ARMCX4: variants seen among roughly 807,000 people sequenced by gnomAD.
ARMCX4 encodes armadillo repeat-containing X-linked protein 4.
Under a neutral mutation model 34.7 loss-of-function variants are expected in ARMCX4, and 3 were observed. The ratio of observed to expected loss-of-function variants is 0.09; its 90% CI spans 0.04 to 0.22. The LOEUF is 0.22. Among genes scored for constraint, ARMCX4 ranks in the 10% least tolerant of loss-of-function variants. ARMCX4 has a pLI of 1.00. For missense variants in ARMCX4, 1,448 were observed against 1,720.8 expected (o/e 0.84, Z 2.81); for synonymous variants, 513 against 632.8 (o/e 0.81, Z 2.84).
chrX:101,493,441 G>C lies in ARMCX4; in HGVS notation c.4852G>C (p.Val1618Leu), dbSNP rs1956320061. ...IGSWGVAGGQ[V>L]LGGARPGPAD... ...TTCCTGGGGTGTGGCTGGTGGCCAG[G>C]TCCTTGGGGGAGCTAGGCCGGGGCC... is the stretch of plus-strand genomic sequence containing the variant. The change falls in exon 6 of 6, where the codon GTC becomes CTC. Residue 1618 changes from valine to leucine, a missense_variant. Coordinates refer to ENST00000423738, the MANE Select transcript of ARMCX4 (RefSeq NM_001256155.3). The C allele has an allele frequency of 1.7e-6, 2 of 1,155,264 alleles. No homozygotes were observed. Among genetic ancestry groups the C allele is most frequent in the Non-Finnish European group, 2.3e-6 (2 of 872,687 alleles).
intron 11 of ARMCX4, chrX:101,524,577 T>G (rs1274874529): frequency 2.7e-5 from 3 of 111,695 alleles, no homozygotes; most frequent in Non-Finnish European, 5.7e-5. Context: ...CAATGACAGA[T>G]GGTACCTGGA....
chrX:101,498,439 G>C (rs1351774347), downstream of ARMCX4: 1 of 168,315 alleles, frequency 5.9e-6, no homozygotes, highest in Non-Finnish European at 1.1e-5. Context: ...ACATTAACTG[G>C]TGCCATGTAT....
chrX:101,500,131 T>G (rs1934263534), downstream of ARMCX4, among the ~76,000 whole-genome samples: 1 of 111,447 alleles, frequency 9.0e-6, no homozygotes, highest in African/African-American at 3.3e-5. Context: ...CCCAGAGACC[T>G]AAAGTGTCTT....
intron 8 of ARMCX4, among the ~76,000 whole-genome samples, chrX:101,507,518 T>C (rs782369648): frequency 2.7e-5 from 3 of 111,630 alleles, no homozygotes; most frequent in African/African-American, 6.5e-5. Flanking sequence ...TCAGGCCTAA[T>C]GTACAGCTAT....
At chrX:101,457,118 A>C (rs1207943090) in intron 4 of ARMCX4, among the ~76,000 whole-genome samples, 1 of 111,135 alleles carries the variant, frequency 9.0e-6, no homozygotes. Context: ...AAAACAGGTT[A>C]ATTTAGCCTG....
intron 2 of ARMCX4, among the ~76,000 whole-genome samples, chrX:101,438,633 G>T (rs1369294100): frequency 1.1e-4 from 12 of 111,389 alleles, no homozygotes; most frequent in Non-Finnish European, 1.9e-4. Flanking sequence ...CTGAGGACTT[G>T]CTTTATGAAT....
At chrX:101,515,536 T>G (rs1484911283) in intron 11 of ARMCX4, among the ~76,000 whole-genome samples, 2 of 12,736 alleles carry the variant, frequency 1.6e-4, no homozygotes, top group African/African-American at 7.3e-4. Flanking sequence ...TCTCTCTTTA[T>G]CTCTTTCTCT....
In ARMCX4 at chrX:101,490,538, G is replaced by A; in HGVS notation, c.1949G>A (p.Gly650Asp). 1 of 1,156,163 alleles carries A rather than the reference G, an allele frequency of 8.6e-7. No homozygotes were observed. Among genetic ancestry groups the A allele is most frequent in the East Asian group, 3.3e-5 (1 of 30,763 alleles). Residue 650 changes from glycine to aspartate, a missense_variant, in exon 6 of 6, where the codon GGT becomes GAT. This residue lies in a region of ARMCX4 where 1,343 missense variants were observed against 1,540.7 expected (regional missense o/e 0.87). Coordinates refer to ENST00000423738, the MANE Select transcript of ARMCX4 (RefSeq NM_001256155.3). ...CTTGGCACCAAGAATAAAGTTAAGG[G>A]TAATCCCAATGTTGTGCTTAAGGCA... is the stretch of plus-strand genomic sequence containing the variant. ...ALLGTKNKVKGNPNVVLKAEV... is the reference protein window; with the variant it reads ...ALLGTKNKVKDNPNVVLKAEV...
At chrX:101,435,670 G>A (rs868932644) in intron 2 of ARMCX4, among the ~76,000 whole-genome samples, 1 of 107,585 alleles carries the variant, frequency 9.3e-6, no homozygotes, top group Non-Finnish European at 1.9e-5. Flanking sequence ...TGTCAATTTT[G>A]GCTTTTGTTG....
chrX:101,491,386 A>G lies in ARMCX4; in HGVS notation c.2797A>G (p.Asn933Asp), dbSNP rs1556009074. ...GARNKVKGNS[N>D]AISKAEAGAG... ...CAGGAATAAGGTCAAGGGCAATTCCAATGCTATTTCTAAGGCAGAGGCTGG... is the reference window on the plus strand; with the variant it reads ...CAGGAATAAGGTCAAGGGCAATTCCGATGCTATTTCTAAGGCAGAGGCTGG... Residue 933 changes from asparagine to aspartate, a missense_variant, in exon 6 of 6, where the codon AAT becomes GAT. Physicochemically the swap from Asn to Asp is conservative, Grantham distance 23. This residue lies in a region of ARMCX4 where 1,343 missense variants were observed against 1,540.7 expected (regional missense o/e 0.87). Transcript: ENST00000423738. 12 of 1,156,353 alleles carry G rather than the reference A, an allele frequency of 1.0e-5. No homozygotes were observed. Among genetic ancestry groups the G allele is most frequent in the Non-Finnish European group, 1.4e-5 (12 of 873,061 alleles).
intron 2 of ARMCX4, among the ~76,000 whole-genome samples, chrX:101,421,203 C>CAAAA (rs545262345): frequency 1.5e-4 from 6 of 39,043 alleles, no homozygotes; most frequent in African/African-American, 2.6e-4. Flanking sequence ...AACTCTGTCT[C>CAAAA]AAAAAAAAAA....
At chrX:101,465,997 T>G (rs942868959) in intron 4 of ARMCX4, among the ~76,000 whole-genome samples, 5 of 111,996 alleles carry the variant, frequency 4.5e-5, no homozygotes, top group Admixed American at 1.9e-4. Flanking sequence ...AAACGGTGAA[T>G]AAATAAACTG....
intron 2 of ARMCX4, among the ~76,000 whole-genome samples, chrX:101,421,593 C>T (rs1330472112): frequency 1.8e-5 from 2 of 111,250 alleles, no homozygotes; most frequent in African/African-American, 6.5e-5. Context: ...AAGGTGTGGG[C>T]AGGTTTGGTG....
Position 101,490,876 on chromosome X carries a change from G to A in ARMCX4, c.2287G>A (p.Gly763Ser). ...VANSQGEVLP[G>S]AKNKVKANLN... Reference sequence around the variant, plus strand: ...CAATTCTCAGGGTGAGGTCTTGCCTGGTGCCAAAAATAAGGTCAAGGCCAA... The same window carrying A: ...CAATTCTCAGGGTGAGGTCTTGCCTAGTGCCAAAAATAAGGTCAAGGCCAA... Residue 763 changes from glycine (G) to serine (S), a missense_variant, in exon 6 of 6, where the codon GGT (glycine) becomes AGT (serine). Gly to Ser is a moderately conservative substitution (Grantham distance 56). Coordinates refer to ENST00000423738, the MANE Select transcript of ARMCX4 (RefSeq NM_001256155.3). 1.7e-6 allele frequency: 2 copies of A among 1,154,885 alleles called. No individual in the cohort carries two copies. The highest frequency in any genetic ancestry group is 2.3e-6 in the Non-Finnish European group (2 of 872,643).
At chrX:101,517,548 TG>T (rs2147711295) in intron 11 of ARMCX4, among the ~76,000 whole-genome samples, 1 of 111,614 alleles carries the variant, frequency 9.0e-6, no homozygotes, top group East Asian at 2.8e-4. Context: ...GTGCTGGGAC[TG>T]CAAGGGTGAG....
intron 11 of ARMCX4, among the ~76,000 whole-genome samples, chrX:101,523,039 C>A (rs1347104347): frequency 1.8e-5 from 2 of 111,730 alleles, no homozygotes; most frequent in Non-Finnish European, 3.8e-5. Flanking sequence ...AGGCTATGTA[C>A]ATATATGAAG....
At chrX:101,518,992 C>T (rs936893633) in intron 11 of ARMCX4, among the ~76,000 whole-genome samples, 3 of 110,891 alleles carry the variant, frequency 2.7e-5, no homozygotes, top group African/African-American at 9.8e-5. Flanking sequence ...GCCCTATTAT[C>T]CAATGAAATT....
chrX:101,480,155 C>CACACAG lies in ARMCX4; in HGVS notation c.-472-5863_-472-5862insGACACA, dbSNP rs1556005133. 5.4e-4 allele frequency among the ~76,000 whole-genome samples: 51 copies of CACACAG among 94,899 alleles called. No individual in the cohort carries two copies. The East Asian group carries it at 5.5e-3, about 10-fold the overall frequency. The allele number at this position is 94,899 out of a possible 115,157, so 82.4% of individuals were successfully genotyped here. ...ACACACACACACACACACACACACA[C>CACACAG]ACACACACACACACACACACATATA... On this transcript the variant is annotated intron_variant and NMD_transcript_variant, in intron 4 of 15. Transcript: ENST00000433011.
In ARMCX4 at chrX:101,489,707, C is replaced by T. The variant is rs1569335256; in HGVS notation, c.1118C>T (p.Thr373Met). The T allele has an allele frequency of 6.1e-6, 7 of 1,151,614 alleles. No individual in the cohort carries two copies. The highest frequency in any genetic ancestry group is 4.6e-4 in the Middle Eastern group (2 of 4,309). 94.9% of individuals were successfully genotyped at this position (1,151,614 alleles called of 1,213,427 possible). A position where few individuals can be genotyped will look rare whatever the true frequency, so the allele number is the denominator to read the frequency against. ...QTVAKKQAEV[T>M]SGARVDGRGN... ...GTGGCCAAGAAACAGGCTGAGGTGA[C>T]GTCTGGTGCCAGGGTTGATGGTAGG... The change falls in exon 6 of 6, where the codon ACG becomes ATG. Residue 373 changes from threonine (T) to methionine (M), a missense_variant. Physicochemically the swap from Thr to Met is moderately conservative, Grantham distance 81 (BLOSUM62 -1). This residue lies in a region of ARMCX4 where 1,343 missense variants were observed against 1,540.7 expected (regional missense o/e 0.87). Coordinates refer to ENST00000423738, the MANE Select transcript of ARMCX4 (RefSeq NM_001256155.3).
Sources: gnomAD v4.1 joint callset for allele counts (sites outside exome capture counted in the v4.1 genomes callset) on GRCh38, gnomAD v4.1.1 for gene constraint, gnomAD v4.1.1 regional missense constraint, MANE v1.5 for transcripts, NCBI Gene and HGNC (gene_info 2026-07-23, HGNC 2026-07-21) for gene names.